Variants in TNC observed in about 807,000 individuals in gnomAD.
TNC encodes the protein tenascin C.
A neutral mutation model predicts 202.4 loss-of-function variants in TNC; 109 were observed. The ratio of observed to expected loss-of-function variants is 0.54; its 90% confidence interval spans 0.46 to 0.63. The LOEUF is 0.63. Among genes scored for constraint, TNC ranks in the 30% least tolerant of loss-of-function variants. TNC has a pLI of 0.00. For missense variants in TNC, 2,756 were observed against 2,833.3 expected, an observed-to-expected ratio of 0.97 and a Z score of 0.62; for synonymous variants, 1,007 against 1,089.7, an observed-to-expected ratio of 0.92 and a Z score of 1.50.
chr9:115,073,768 G>A lies in TNC; in HGVS notation c.3049C>T (p.Leu1017Phe). ...TPLAKFDRYR[L>F]NYSLPTGQWV... is the part of the protein sequence containing the mutation. ...TGGCCTGTGGGGAGACTGTAATTGA[G>A]GCGGTAGCGGTCAAATTTGGCCAAC... The change falls in exon 10 of 28, where the codon CTC becomes TTC. Residue 1017 changes from leucine (L) to phenylalanine (F), a missense_variant. By Grantham distance (22) the Leu-to-Phe change is conservative. Transcript: ENST00000350763. The A allele has an allele frequency of 3.7e-6, 6 of 1,614,154 alleles. No individual in the cohort carries two copies. The highest frequency in any genetic ancestry group is 5.1e-6 in the Non-Finnish European group (6 of 1,180,030).
chr9:115,071,695 G>A (rs183624395), intron 10 of TNC, among the ~76,000 whole-genome samples: 35 of 152,260 alleles, frequency 2.3e-4, no homozygotes, highest in African/African-American at 8.2e-4. Context: ...AGGGAGAGGG[G>A]CAGAGGAAGG....
chr9:115,045,491 A>G (rs1224957306), intron 17 of TNC, among the ~76,000 whole-genome samples: 1 of 151,572 alleles, frequency 6.6e-6, no homozygotes, highest in African/African-American at 2.4e-5. Context: ...CTCAGCCTGC[A>G]GAGTAGCTGG....
intron 15 of TNC, among the ~76,000 whole-genome samples, chr9:115,053,679 G>C (rs1395223833): frequency 6.6e-6 from 1 of 152,064 alleles, no homozygotes; most frequent in East Asian, 1.9e-4. Context: ...TTCTTTTTTA[G>C]TATCTACTGT....
intron 26 of TNC, among the ~76,000 whole-genome samples, 162 bp from the exon 27 acceptor site, chr9:115,024,298 A>C (rs1829309360): frequency 6.6e-6 from 1 of 152,238 alleles, no homozygotes; most frequent in Admixed American, 6.5e-5. Context: ...TGAATGGGAC[A>C]TGAGTGTCAC....
At position 115,063,038 on chromosome 9, in the gene TNC, A is replaced by T. The variant is rs1344881267; in HGVS notation, c.3912T>A (p.Val1304=). ...DQVEEAHNLT[V]PGSLRSMEIP... ...TTTCCATGGAACGCAGGCTGCCAGGAACCGTGAGATTGTGAGCCTCTTCCA... is the reference window on the plus strand; with the variant it reads ...TTTCCATGGAACGCAGGCTGCCAGGTACCGTGAGATTGTGAGCCTCTTCCA... Residue 1304 remains valine (V), a synonymous_variant, in exon 13 of 28, where the codon GTT becomes GTA. Coordinates refer to ENST00000350763, the MANE Select transcript of TNC (RefSeq NM_002160.4). 1 of 1,614,144 alleles carries T rather than the reference A, an allele frequency of 6.2e-7. No individual in the cohort carries two copies. Among genetic ancestry groups the T allele is most frequent in the East Asian group, 2.2e-5 (1 of 44,874 alleles).
rs540657962 is a variant in TNC, at chr9:115,085,835, T to C, written c.1867+29A>G. 1.1e-5 allele frequency: 17 copies of C among 1,574,598 alleles called. No homozygotes were observed. In the African/African-American group the frequency reaches 2.2e-4, roughly 20 times the overall value. The stretch of plus-strand genomic sequence containing the variant: ...TAGGAGTCCACTCCATCATGGCCAT[T>C]ATATGCTGGTCTGCGCCCTGGCACT... On this transcript the variant is annotated intron_variant, in intron 3 of 27. Coordinates refer to ENST00000350763, the MANE Select transcript of TNC (RefSeq NM_002160.4).
intron 1 of TNC, among the ~76,000 whole-genome samples, chr9:115,097,429 C>T (rs904770671): frequency 2.6e-5 from 4 of 152,268 alleles, no homozygotes; most frequent in Admixed American, 1.3e-4. Context: ...GAAAGAAAAC[C>T]TTGTATCCAG....
intron 15 of TNC, 81 bp downstream of exon 15, chr9:115,057,072 T>C: frequency 6.7e-7 from 1 of 1,491,912 alleles, no homozygotes; most frequent in Non-Finnish European, 9.0e-7. Flanking sequence ...TGTACATCAA[T>C]GGGAGAGGAG....
chr9:115,073,419 T>G (rs1459176505), intron 10 of TNC, among the ~76,000 whole-genome samples, 184 bp downstream of exon 10: 1 of 152,188 alleles, frequency 6.6e-6, no homozygotes, highest in African/African-American at 2.4e-5. Flanking sequence ...ATTTGCTGTA[T>G]CAGTTGACAG....
chr9:115,091,462 G>A (rs1335635095), intron 1 of TNC, among the ~76,000 whole-genome samples: 3 of 152,172 alleles, frequency 2.0e-5, no homozygotes, highest in East Asian at 1.9e-4. Flanking sequence ...CCTTGGATAC[G>A]TTATGTAATT....
intron 25 of TNC, among the ~76,000 whole-genome samples, chr9:115,027,644 G>T (rs1000784016): frequency 3.3e-5 from 5 of 152,106 alleles, no homozygotes; most frequent in African/African-American, 1.2e-4. Flanking sequence ...CAAATGAAGG[G>T]CAATGAATAA....
rs1200346160 is a variant in TNC at position 115,026,711 on chromosome 9, A to G, written c.6170-16T>C. On this transcript the variant is annotated splice_polypyrimidine_tract_variant and intron_variant, in intron 25 of 27. Transcript: ENST00000350763. ...TTGTCCAGCCCTGTGGATGACAGGC[A>G]AGGGTTGCTAAGAAGCACAGGTGAC... The G allele has an allele frequency of 6.2e-7, 1 of 1,612,624 alleles. No homozygotes were observed. The highest frequency in any genetic ancestry group is 8.5e-7 in the Non-Finnish European group (1 of 1,179,402).
At chr9:115,073,895 C>T (rs1314224318) in intron 9 of TNC, 29 bp from the exon 10 acceptor site, 2 of 1,596,510 alleles carry the variant, frequency 1.3e-6, no homozygotes, top group African/African-American at 1.3e-5. Context: ...GATGAATGCT[C>T]TTCAGGCTGC....
chr9:115,099,950 C>A (rs1266299217), intron 1 of TNC, among the ~76,000 whole-genome samples: 1 of 152,170 alleles, frequency 6.6e-6, no homozygotes, highest in Admixed American at 6.5e-5. Flanking sequence ...GTGGCTACAG[C>A]CCTGGTTTTC....
Position 115,073,840 on chromosome 9 carries a change from C to G in TNC, c.2977G>C (p.Val993Leu), listed in dbSNP as rs759863488. ...TELDTPKDLQVSETAETSLTL... is the reference protein window; with the variant it reads ...TELDTPKDLQLSETAETSLTL... ...AGGCTGGTCTCTGCAGTTTCAGAAACCTGAAGGTCCTTGGGCGTGTCCAAC... is the reference window on the plus strand; with the variant it reads ...AGGCTGGTCTCTGCAGTTTCAGAAAGCTGAAGGTCCTTGGGCGTGTCCAAC... Residue 993 changes from valine to leucine, a missense_variant, in exon 10 of 28, where the codon GTT (valine) becomes CTT (leucine). Physicochemically the swap from Val to Leu is conservative, Grantham distance 32 (BLOSUM62 1). Coordinates refer to ENST00000350763, the MANE Select transcript of TNC (RefSeq NM_002160.4). The G allele has an allele frequency of 9.2e-5, 148 of 1,612,300 alleles. No individual in the cohort carries two copies. In the Middle Eastern group the frequency reaches 1.6e-3, roughly 18 times the overall value.
intron 15 of TNC, among the ~76,000 whole-genome samples, chr9:115,051,545 T>G (rs963069056): frequency 1.3e-5 from 2 of 151,432 alleles, no homozygotes; most frequent in Admixed American, 6.6e-5. Flanking sequence ...TTCTTTTTTT[T>G]TTTTTTCTGA....
chr9:115,117,629 G>T (rs1837564226), intron 1 of TNC, among the ~76,000 whole-genome samples: 1 of 152,148 alleles, frequency 6.6e-6, no homozygotes, highest in African/African-American at 2.4e-5. Flanking sequence ...AAACTCTACT[G>T]CCCTAACCCT....
intron 27 of TNC, among the ~76,000 whole-genome samples, chr9:115,021,638 A>G (rs1008347896): frequency 6.6e-6 from 1 of 152,170 alleles, no homozygotes; most frequent in Non-Finnish European, 1.5e-5. Context: ...GAATAGCTAC[A>G]TACATGGTGT....
chr9:115,072,902 C>T (rs186840734), intron 10 of TNC, among the ~76,000 whole-genome samples: 98 of 152,232 alleles, frequency 6.4e-4, no homozygotes, highest in African/African-American at 2.1e-3. Flanking sequence ...ATTTTAAAAA[C>T]CTGGTTGTCT....
Sources: gnomAD v4.1 joint callset for allele counts (sites outside exome capture counted in the v4.1 genomes callset) on GRCh38, gnomAD v4.1.1 for gene constraint, MANE v1.5 for transcripts, NCBI Gene and HGNC (gene_info 2026-07-23, HGNC 2026-07-21) for gene names.